Variants in MACROD1 observed in about 807,000 individuals in gnomAD.
The protein encoded by MACROD1 is ADP-ribose glycohydrolase MACROD1.
Under a neutral mutation model 41.4 loss-of-function variants are expected in MACROD1, and 31 were observed. The ratio of observed to expected loss-of-function variants is 0.75; its 90% CI spans 0.56 to 1.01. The LOEUF (loss-of-function observed/expected upper bound fraction) is 1.01, where lower values mean the gene tolerates loss of function less well. Among genes scored for constraint, MACROD1 ranks in the 50% least tolerant of loss-of-function variants. The pLI is 0.00. For missense variants in MACROD1, 473 were observed against 460.0 expected (o/e 1.03, Z -0.26); for synonymous variants, 252 against 203.4 (o/e 1.24, Z -2.03).
chr11:64,108,688 T>G (rs2134584383), intron 3 of MACROD1, among the ~76,000 whole-genome samples: 1 of 152,360 alleles, frequency 6.6e-6, no homozygotes, highest in Non-Finnish European at 1.5e-5. Context: ...GAGAAACTGC[T>G]TCTGCCCGCA....
chr11:63,998,819 G>C lies in MACROD1; in HGVS notation c.*30+19C>G. The C allele has an allele frequency of 6.6e-7, 1 of 1,519,460 alleles. No individual in the cohort carries two copies. The highest frequency in any genetic ancestry group is 8.8e-7 in the Non-Finnish European group (1 of 1,138,016). 94.1% of individuals were successfully genotyped at this position (1,519,460 alleles called of 1,614,324 possible). ...TAGTCTAGGGCCGGGGCCGCCGCAC[G>C]GGGCGAGGCCCTGCTTACCAGTCCC... On this transcript the variant is annotated intron_variant, in intron 10 of 10. Transcript: ENST00000255681.
At chr11:64,000,146 T>C in intron 5 of MACROD1, 81 bp downstream of exon 5, 1 of 1,159,924 alleles carries the variant, frequency 8.6e-7, no homozygotes, top group Non-Finnish European at 1.2e-6. Flanking sequence ...AGCACTCCTG[T>C]GGGGGCCGCA....
chr11:64,029,133 G>A (rs1445850062), intron 3 of MACROD1, among the ~76,000 whole-genome samples: 1 of 152,222 alleles, frequency 6.6e-6, no homozygotes, highest in African/African-American at 2.4e-5. Flanking sequence ...GGGGAAGGGC[G>A]AGGAGCTGCT....
chr11:64,110,752 A>G (rs915908132), intron 3 of MACROD1, among the ~76,000 whole-genome samples: 57 of 152,224 alleles, frequency 3.7e-4, no homozygotes, highest in Non-Finnish European at 8.8e-5. Context: ...AAGGGCGACA[A>G]GCGATCCCAT....
intron 3 of MACROD1, among the ~76,000 whole-genome samples, chr11:64,050,365 CCTAGGGGCAGCTGGACA>C (rs1334311445): frequency 6.6e-6 from 1 of 152,218 alleles, no homozygotes; most frequent in Non-Finnish European, 1.5e-5. Flanking sequence ...GTGCAGGCCA[CCTAGGGGCAGCTGGACA>C]CGTAGGGGTC....
intron 3 of MACROD1, among the ~76,000 whole-genome samples, chr11:64,075,019 A>G (rs1944176735): frequency 6.6e-6 from 1 of 152,232 alleles, no homozygotes; most frequent in Admixed American, 6.5e-5. Context: ...CAGGAATTCA[A>G]GACCCCACCC....
intron 3 of MACROD1, among the ~76,000 whole-genome samples, chr11:64,150,330 G>A (rs759576138): frequency 7.2e-5 from 11 of 152,234 alleles, no homozygotes; most frequent in Non-Finnish European, 1.6e-4. Context: ...AAGTGGGGAC[G>A]AAGGAGACTC....
intron 3 of MACROD1, among the ~76,000 whole-genome samples, chr11:64,052,442 G>C (rs1943712306): frequency 6.6e-6 from 1 of 152,198 alleles, no homozygotes; most frequent in South Asian, 2.1e-4. Context: ...TCTCTCCCCA[G>C]TTGCTGGGAC....
intron 3 of MACROD1, among the ~76,000 whole-genome samples, chr11:64,062,434 G>A (rs773933989): frequency 6.6e-6 from 1 of 152,172 alleles, no homozygotes; most frequent in Admixed American, 6.5e-5. Flanking sequence ...GAACCAACTG[G>A]GCATAGGCGG....
intron 3 of MACROD1, among the ~76,000 whole-genome samples, chr11:64,016,465 C>T (rs965456447): frequency 1.3e-5 from 2 of 152,256 alleles, no homozygotes; most frequent in Non-Finnish European, 2.9e-5. Context: ...CTACCCACCC[C>T]ATCTGCCCAG....
intron 5 of MACROD1, 77 bp downstream of exon 5, chr11:64,000,150 G>A (rs1942796106): frequency 1.7e-6 from 2 of 1,208,434 alleles, no homozygotes; most frequent in Non-Finnish European, 2.4e-6. Context: ...CTCCTGTGGG[G>A]GCCGCACCCC....
chr11:64,080,457 A>G (rs1236406230), intron 3 of MACROD1, among the ~76,000 whole-genome samples: 1 of 152,158 alleles, frequency 6.6e-6, no homozygotes, highest in Admixed American at 6.5e-5. Context: ...CATGATTCCT[A>G]TGTAATTCCA....
Position 64,151,359 on chromosome 11 carries a change from G to T in MACROD1, c.401-4C>A. On this transcript the variant is annotated splice_polypyrimidine_tract_variant and splice_region_variant and intron_variant, in intron 2 of 10. Coordinates refer to ENST00000255681, the MANE Select transcript of MACROD1 (RefSeq NM_014067.4). ...TCCTCCACCTTCACAGCCACCCCTG[G>T]AACAAGTAGGGGCCGGGGAGGTCAC... The T allele has an allele frequency of 6.2e-7, 1 of 1,608,456 alleles. No homozygotes were observed.
intron 1 of MACROD1, among the ~76,000 whole-genome samples, chr11:64,165,312 G>A (rs973083202): frequency 3.3e-5 from 5 of 152,182 alleles, no homozygotes; most frequent in Admixed American, 6.5e-5. Flanking sequence ...TTTGCCACCA[G>A]CTCCGAGTGA....
At chr11:64,027,011 A>C (rs1240722901) in intron 3 of MACROD1, among the ~76,000 whole-genome samples, 1 of 152,244 alleles carries the variant, frequency 6.6e-6, no homozygotes, top group Non-Finnish European at 1.5e-5. Context: ...GTTTATTAAC[A>C]GCATGGCAGC....
At position 63,998,962 on chromosome 11, in the gene MACROD1, G is replaced by T. The variant is rs1942764969; in HGVS notation, c.966C>A (p.Phe322Leu). Residue 322 changes from phenylalanine (F) to leucine (L), a missense_variant, in exon 9 of 11, where the codon TTC becomes TTA. By Grantham distance (22) the Phe-to-Leu change is conservative. Transcript: ENST00000255681. Reference sequence around the variant, plus strand: ...GCGGCGCGGGGCACGTACCCACGGGGAAGTAGTGGGGGAGCCGGCTCCGGT... The same window carrying T: ...GCGGCGCGGGGCACGTACCCACGGGTAAGTAGTGGGGGAGCCGGCTCCGGT... ...DIYRSRLPHYFPVA is the reference protein window; with the variant it reads ...DIYRSRLPHYLPVA 1.2e-6 allele frequency: 2 copies of T among 1,603,390 alleles called. No homozygotes were observed. Among genetic ancestry groups the T allele is most frequent in the African/African-American group, 1.3e-5 (1 of 74,870 alleles).
intron 3 of MACROD1, among the ~76,000 whole-genome samples, chr11:64,044,899 G>C (rs1207113012): frequency 6.6e-6 from 1 of 152,232 alleles, no homozygotes; most frequent in Non-Finnish European, 1.5e-5. Context: ...CCCACTGTGT[G>C]CTGGGCCTGG....
Position 64,019,014 on chromosome 11 carries a change from G to A in MACROD1, c.518-3733C>T, listed in dbSNP as rs1248797453. 1.3e-5 allele frequency among the ~76,000 whole-genome samples: 2 copies of A among 152,242 alleles called. 1 individual carries two copies. Among genetic ancestry groups the A allele is most frequent in the Admixed American group, 1.3e-4 (2 of 15,302 alleles). On this transcript the variant is annotated intron_variant, in intron 3 of 10. Coordinates refer to ENST00000255681, the MANE Select transcript of MACROD1 (RefSeq NM_014067.4). ...TCCCAGCAAACAGGGGCCTTTGAACGCCATGTGGGGCTGAGTGGGGGACCC... is the reference window on the plus strand; with the variant it reads ...TCCCAGCAAACAGGGGCCTTTGAACACCATGTGGGGCTGAGTGGGGGACCC...
chr11:64,112,391 G>A (rs1944878804), intron 3 of MACROD1, among the ~76,000 whole-genome samples: 1 of 152,134 alleles, frequency 6.6e-6, no homozygotes, highest in Admixed American at 6.5e-5. Flanking sequence ...GTGCACACCT[G>A]TAGTCCCAGC....
Sources: gnomAD v4.1 joint callset for allele counts (sites outside exome capture counted in the v4.1 genomes callset) on GRCh38, gnomAD v4.1.1 for gene constraint, MANE v1.5 for transcripts, NCBI Gene and HGNC (gene_info 2026-07-23, HGNC 2026-07-21) for gene names.